The following DPP9 variants were observed in gnomAD, a reference collection of about 807,000 sequenced individuals.
DPP9 encodes dipeptidyl peptidase IV-related protein-2.
Under a neutral mutation model 110.7 loss-of-function variants are expected in DPP9, and 50 were observed. That is an observed-to-expected ratio of 0.45 (90% CI 0.36 to 0.57). The LOEUF (loss-of-function observed/expected upper bound fraction) is 0.57, where lower values mean the gene tolerates loss of function less well. DPP9 is among the 20% of genes least tolerant of loss of function. DPP9 has a pLI of 0.00. For missense variants in DPP9, 1,022 were observed against 1,217.9 expected (o/e 0.84, Z 2.39); for synonymous variants, 561 against 514.4 (o/e 1.09, Z -1.23).
chr19:4,677,301 A>AC (rs2088987640), intron 21 of DPP9, among the ~76,000 whole-genome samples: 1 of 152,020 alleles, frequency 6.6e-6, no homozygotes, highest in South Asian at 2.1e-4. Context: ...CTGACGGACA[A>AC]CCCCTATAGC....
Position 4,684,655 on chromosome 19 carries a change from G to A in DPP9, c.2178+8C>T, listed in dbSNP as rs1385742447. ...AAAGGACCCAGAGCAACAGGGAGGAGTTGTTACCATTTGGTTTTTCAGGGC... is the reference window on the plus strand; with the variant it reads ...AAAGGACCCAGAGCAACAGGGAGGAATTGTTACCATTTGGTTTTTCAGGGC... On this transcript the variant is annotated splice_region_variant and intron_variant, in intron 18 of 21. Transcript: ENST00000262960. This position sits in a 1 kb window ranked among gnomAD's most constrained non-coding sequence, Gnocchi z 4.8. 2 of 1,613,118 alleles carry A rather than the reference G, an allele frequency of 1.2e-6. No homozygotes were observed. The highest frequency in any genetic ancestry group is 3.3e-5 in the Admixed American group (2 of 59,948).
chr19:4,706,088 C>G (rs2092569010), intron 4 of DPP9, 118 bp from the exon 5 acceptor site: 2 of 843,706 alleles, frequency 2.4e-6, no homozygotes, highest in Admixed American at 5.5e-5. Context: ...TGCCAGGCCG[C>G]CGGCGGGACA....
chr19:4,719,783 A>C, intron 3 of DPP9, 68 bp downstream of exon 3: 1 of 1,526,604 alleles, frequency 6.6e-7, no homozygotes, highest in Non-Finnish European at 8.9e-7. Flanking sequence ...TCCAGATCTT[A>C]GACTGTTGGG....
chr19:4,679,061 T>C (rs1056487994), intron 21 of DPP9, among the ~76,000 whole-genome samples: 16 of 143,740 alleles, frequency 1.1e-4, no homozygotes, highest in African/African-American at 2.9e-4. Flanking sequence ...CCACCCTGCT[T>C]ACTGAGGGCC....
chr19:4,677,861 G>A (rs903347372), intron 21 of DPP9, among the ~76,000 whole-genome samples: 1 of 152,204 alleles, frequency 6.6e-6, no homozygotes, highest in Non-Finnish European at 1.5e-5. Context: ...TGAGCTTCCA[G>A]ACCAAGCCCA....
At position 4,694,262 on chromosome 19, in the gene DPP9, C is replaced by A; in HGVS notation, c.1516+399G>T. 1 of 333,588 alleles carries A rather than the reference C, an allele frequency of 3.0e-6. No homozygotes were observed. Among genetic ancestry groups the A allele is most frequent in the African/African-American group, 2.1e-5 (1 of 47,464 alleles). The allele number at this position is 333,588 out of a possible 1,614,324, so 20.7% of individuals were successfully genotyped here. A position where few individuals can be genotyped will look rare whatever the true frequency, so the allele number is the denominator to read the frequency against. ...TCTTGGCCTTGCACAACAGTTTCTGCTGGGACTACCCAGTTCTGCTGCTGC... is the reference window on the plus strand; with the variant it reads ...TCTTGGCCTTGCACAACAGTTTCTGATGGGACTACCCAGTTCTGCTGCTGC... On this transcript the variant is annotated intron_variant, in intron 13 of 21. Coordinates refer to ENST00000262960, the MANE Select transcript of DPP9 (RefSeq NM_139159.5). This position sits in a 1 kb window ranked among gnomAD's most constrained non-coding sequence, Gnocchi z 4.0.
chr19:4,722,766 A>G (rs1276483537), intron 1 of DPP9: 2 of 552,908 alleles, frequency 3.6e-6, no homozygotes, highest in Non-Finnish European at 6.4e-6. Context: ...GGGACCCAGC[A>G]GAGGAATGCA....
At chr19:4,696,977 T>C (rs1352937569) in intron 11 of DPP9, among the ~76,000 whole-genome samples, 3 of 151,680 alleles carry the variant, frequency 2.0e-5, no homozygotes, top group East Asian at 1.9e-4. Flanking sequence ...CGAGTACCTA[T>C]AGTCCCCTCT....
In DPP9 at chr19:4,689,626, C is replaced by T. The variant is rs370177829; in HGVS notation, c.1693G>A (p.Gly565Ser). Residue 565 changes from glycine to serine, a missense_variant, in exon 15 of 22, where the codon GGC (glycine) becomes AGC (serine). Physicochemically the swap from Gly to Ser is moderately conservative, Grantham distance 56. Transcript: ENST00000262960. This position sits in a 1 kb window ranked among gnomAD's most constrained non-coding sequence, Gnocchi z 7.0. Reference protein sequence around the residue: ...HLYVVSYEAAGEIVRLTTPGF... With the variant: ...HLYVVSYEAASEIVRLTTPGF... The stretch of plus-strand genomic sequence containing the variant: ...GGCGTGGTGAGGCGTACGATCTCGC[C>T]GGCCGCCTCATAGCTGACCACGTAG... 90 of 1,572,438 alleles carry T rather than the reference C, an allele frequency of 5.7e-5. No homozygotes were observed. Among genetic ancestry groups the T allele is most frequent in the Non-Finnish European group, 7.0e-5 (81 of 1,159,218 alleles).
intron 2 of DPP9, 66 bp downstream of exon 2, chr19:4,722,433 C>G: frequency 1.4e-6 from 1 of 694,526 alleles, no homozygotes; most frequent in Non-Finnish European, 2.6e-6. Flanking sequence ...TATTCTAGAG[C>G]AGGCAAAGGA....
chr19:4,702,282 G>C, intron 8 of DPP9, 127 bp from the exon 9 acceptor site: 1 of 1,296,342 alleles, frequency 7.7e-7, no homozygotes, highest in Non-Finnish European at 1.0e-6. Context: ...CAGAACCCCG[G>C]CTCTGCCATT....
chr19:4,678,254 A>C (rs1452336176), intron 21 of DPP9, among the ~76,000 whole-genome samples: 1 of 152,168 alleles, frequency 6.6e-6, no homozygotes, highest in Non-Finnish European at 1.5e-5. Context: ...CTGGGACTAC[A>C]GGCGTGTGCC....
chr19:4,676,797 G>C lies in DPP9; in HGVS notation c.2587-141C>G, dbSNP rs2088893201. 2 of 680,230 alleles carry C rather than the reference G, an allele frequency of 2.9e-6. No homozygotes were observed. The highest frequency in any genetic ancestry group is 1.7e-5 in the South Asian group (1 of 60,324). 42.1% of individuals were successfully genotyped at this position (680,230 alleles called of 1,614,324 possible). On this transcript the variant is annotated intron_variant, in intron 21 of 21. Transcript: ENST00000262960. This position sits in a 1 kb window ranked among gnomAD's most constrained non-coding sequence, Gnocchi z 4.0. ...GTGATCTGGGTTTGAATCCCACCTC[G>C]GCTGTTGACTTGCAGTGTAACTCTG...
At chr19:4,714,394 C>T (rs1300107976) in intron 3 of DPP9, 57 bp from the exon 4 acceptor site, 3 of 1,441,804 alleles carry the variant, frequency 2.1e-6, no homozygotes, top group East Asian at 5.0e-5. Flanking sequence ...TACGAGCTGC[C>T]CCAATGCTGC....
chr19:4,698,212 A>G lies in DPP9; in HGVS notation c.1075-561T>C, dbSNP rs893344212. Among the ~76,000 whole-genome samples, 2 of 152,190 alleles carry G rather than the reference A, an allele frequency of 1.3e-5. No individual in the cohort carries two copies. The highest frequency in any genetic ancestry group is 4.8e-5 in the African/African-American group (2 of 41,456). Reference sequence around the variant, plus strand: ...CAGTCCCCGGACCCAGGGCTTCCCCATGCTTAAACAGGGCTGGCACGGCGT... The same window carrying G: ...CAGTCCCCGGACCCAGGGCTTCCCCGTGCTTAAACAGGGCTGGCACGGCGT... On this transcript the variant is annotated intron_variant, in intron 10 of 21. Coordinates refer to ENST00000262960, the MANE Select transcript of DPP9 (RefSeq NM_139159.5). The surrounding 1 kb of genome is among the most constrained non-coding windows in gnomAD (Gnocchi z 4.2).
At position 4,710,503 on chromosome 19, in the gene DPP9, C is replaced by T. The variant is rs1308592404; in HGVS notation, c.313+3578G>A. ...CATCTTCCCAGCAGCAGGAACCGCA[C>T]GTTCCCCCGCTGCTCCTGCTAGCCT... On this transcript the variant is annotated intron_variant, in intron 4 of 21. Transcript: ENST00000262960. The surrounding 1 kb of genome is among the most constrained non-coding windows in gnomAD (Gnocchi z 5.6). Among the ~76,000 whole-genome samples the T allele has an allele frequency of 6.6e-6, 1 of 152,204 alleles. No homozygotes were observed. The highest frequency in any genetic ancestry group is 2.4e-5 in the African/African-American group (1 of 41,454).
At chr19:4,722,976 G>A (rs1003731414) in intron 1 of DPP9, among the ~76,000 whole-genome samples, 4 of 152,232 alleles carry the variant, frequency 2.6e-5, no homozygotes, top group Non-Finnish European at 4.4e-5. Flanking sequence ...CTAAGGCTGT[G>A]TGGGAAGAAG....
chr19:4,684,046 G>A lies in DPP9; in HGVS notation c.2179-417C>T, dbSNP rs1242187810. The A allele has an allele frequency of 5.4e-6, 2 of 369,634 alleles. No individual in the cohort carries two copies. The highest frequency in any genetic ancestry group is 5.3e-6 in the Non-Finnish European group (1 of 190,092). 22.9% of individuals were successfully genotyped at this position (369,634 alleles called of 1,614,324 possible). A position where few individuals can be genotyped will look rare whatever the true frequency, so the allele number is the denominator to read the frequency against. ...ACATCCCCACCACCGCCACTGCCAC[G>A]ATTTCAATGCTGGTGTCCCCTCTGA... On this transcript the variant is annotated intron_variant, in intron 18 of 21. Coordinates refer to ENST00000262960, the MANE Select transcript of DPP9 (RefSeq NM_139159.5). This position sits in a 1 kb window ranked among gnomAD's most constrained non-coding sequence, Gnocchi z 4.8.
In DPP9 at chr19:4,676,515, G is replaced by A. The variant is rs777534661; in HGVS notation, c.*49C>T. The A allele has an allele frequency of 1.3e-6, 2 of 1,508,502 alleles. No homozygotes were observed. The highest frequency in any genetic ancestry group is 1.8e-6 in the Non-Finnish European group (2 of 1,104,220). The allele number at this position is 1,508,502 out of a possible 1,614,324, so 93.4% of individuals were successfully genotyped here. On this transcript the variant is annotated 3_prime_UTR_variant, in exon 22 of 22. Coordinates refer to ENST00000262960, the MANE Select transcript of DPP9 (RefSeq NM_139159.5). The surrounding 1 kb of genome is among the most constrained non-coding windows in gnomAD (Gnocchi z 4.0). The stretch of plus-strand genomic sequence containing the variant: ...AGTCCCTCCCGCCTGGTTCCCCGCG[G>A]AGGCTGCAGCCACTTGTGCTGTGAT...
Sources: gnomAD v4.1 joint callset for allele counts (sites outside exome capture counted in the v4.1 genomes callset) on GRCh38, gnomAD v4.1.1 for gene constraint, Gnocchi (gnomAD v3.1) non-coding constraint, MANE v1.5 for transcripts, NCBI Gene and HGNC (gene_info 2026-07-23, HGNC 2026-07-21) for gene names.